ERG: variants seen among roughly 807,000 people sequenced by gnomAD.
ERG encodes the protein transcriptional regulator ERG.
In ERG, 9 loss-of-function variants were observed where a neutral mutation model predicts 55.3. That is an observed-to-expected ratio of 0.16 (90% CI 0.10 to 0.28). ERG has a LOEUF of 0.28. ERG is among the 10% of genes least tolerant of loss of function. The pLI is 1.00. For missense variants in ERG, 434 were observed against 631.6 expected (o/e 0.69, Z 3.35); for synonymous variants, 223 against 237.3 (o/e 0.94, Z 0.55).
chr21:38,367,766 C>A, the ERG span: 2 of 421,494 alleles, frequency 4.7e-6, no homozygotes, highest in Non-Finnish European at 9.4e-6. Context: ...AACTAACCAA[C>A]AGAGGGCATT....
chr21:38,593,897 A>T (rs532415820), intron 1 of ERG, among the ~76,000 whole-genome samples: 1 of 152,324 alleles, frequency 6.6e-6, no homozygotes, highest in East Asian at 1.9e-4. Flanking sequence ...TATAGTATAG[A>T]GAGGCAGATA....
chr21:38,457,024 T>TA (rs1195304910), intron 1 of ERG, among the ~76,000 whole-genome samples: 1 of 152,234 alleles, frequency 6.6e-6, no homozygotes, highest in Non-Finnish European at 1.5e-5. Flanking sequence ...CCTCAAAACC[T>TA]AATACATTTG....
the ERG span, among the ~76,000 whole-genome samples, chr21:38,370,673 A>G: frequency 2.0e-5 from 3 of 152,040 alleles, no homozygotes; most frequent in African/African-American, 7.2e-5. Context: ...TCATTTATTG[A>G]AAAATCCACT....
chr21:38,423,660 C>G lies in ERG; in HGVS notation c.237-99G>C, dbSNP rs757760852. ...CAGAGAGAACCAAAGAAGGGCAAGGCGGAAGAGACTGGGGGAGAAAGGACA... is the reference window on the plus strand; with the variant it reads ...CAGAGAGAACCAAAGAAGGGCAAGGGGGAAGAGACTGGGGGAGAAAGGACA... On this transcript the variant is annotated intron_variant, in intron 2 of 9. Transcript: ENST00000288319. The G allele has an allele frequency of 1.0e-5, 13 of 1,277,866 alleles. No individual in the cohort carries two copies. In the African/African-American group the frequency reaches 1.9e-4, roughly 19 times the overall value. 79.2% of individuals were successfully genotyped at this position (1,277,866 alleles called of 1,614,324 possible).
intron 1 of ERG, among the ~76,000 whole-genome samples, chr21:38,616,755 A>G (rs1445695224): frequency 6.6e-6 from 1 of 152,048 alleles, no homozygotes. Flanking sequence ...TATCCTAAGC[A>G]CTGCCTGGAG....
chr21:38,544,831 C>A (rs552602180), intron 2 of ERG, among the ~76,000 whole-genome samples: 14 of 152,230 alleles, frequency 9.2e-5, no homozygotes, highest in African/African-American at 2.6e-4. Flanking sequence ...TCATGAAGCT[C>A]TCTCCTTCTT....
chr21:38,407,611 G>A (rs2836377), intron 3 of ERG, among the ~76,000 whole-genome samples: 133,371 of 146,142 alleles, frequency 0.91, 60,972 homozygotes, highest in Non-Finnish European at 0.94. Flanking sequence ...ATTTTTCAAA[G>A]CCAAAACATG....
intron 1 of ERG, among the ~76,000 whole-genome samples, chr21:38,491,189 G>A (rs1211792913): frequency 2.7e-5 from 4 of 146,754 alleles, no homozygotes; most frequent in Admixed American, 2.1e-4. Flanking sequence ...TGAGCATCAT[G>A]TGCACACTGT....
intron 5 of ERG, 108 bp downstream of exon 5, chr21:38,402,449 C>G (rs1988538167): frequency 4.0e-6 from 3 of 755,454 alleles, no homozygotes; most frequent in South Asian, 1.6e-5. Context: ...AATCATCTAC[C>G]TGCGTTCTGT....
chr21:38,370,474 A>G, the ERG span, among the ~76,000 whole-genome samples: 1 of 151,950 alleles, frequency 6.6e-6, no homozygotes, highest in Non-Finnish European at 1.5e-5. Flanking sequence ...TGTAGTTTTT[A>G]TGTCTTGTTT....
chr21:38,382,123 T>G lies in ERG; in HGVS notation c.*1280A>C. ...TATTGTAAACATTAAGCATACAGAG[T>G]TAAAATTCAAGGCCACATTATATCG... On this transcript the variant is annotated 3_prime_UTR_variant, in exon 10 of 10. Coordinates refer to ENST00000288319, the MANE Select transcript of ERG (RefSeq NM_182918.4). 1 of 1,054,390 alleles carries G rather than the reference T, an allele frequency of 9.5e-7. No homozygotes were observed. Among genetic ancestry groups the G allele is most frequent in the Non-Finnish European group, 1.1e-6 (1 of 872,244 alleles). 65.3% of individuals were successfully genotyped at this position (1,054,390 alleles called of 1,614,324 possible). A position where few individuals can be genotyped will look rare whatever the true frequency, so the allele number is the denominator to read the frequency against.
intron 1 of ERG, among the ~76,000 whole-genome samples, chr21:38,600,334 C>T (rs970124134): frequency 6.6e-6 from 1 of 152,188 alleles, no homozygotes; most frequent in Non-Finnish European, 1.5e-5. Flanking sequence ...AAATGTCCAG[C>T]TCTACGTAGA....
At chr21:38,384,573 A>AT (rs149133938) in intron 9 of ERG, among the ~76,000 whole-genome samples, 48 of 151,662 alleles carry the variant, frequency 3.2e-4, no homozygotes, top group African/African-American at 9.9e-4. Flanking sequence ...AGAGCTATAT[A>AT]TTTTTTTTTC....
rs2059037038 is a variant in ERG, at chr21:38,460,997, T to A, written c.19-15376A>T. 6.6e-6 allele frequency among the ~76,000 whole-genome samples: 1 copy of A among 152,230 alleles called. No individual in the cohort carries two copies. The highest frequency in any genetic ancestry group is 1.5e-5 in the Non-Finnish European group (1 of 68,044). ...TAAGCAGTGAATCCTCTTTTGCGGC[T>A]GAATTTTCCTCAAGGAAGCAGCATG... On this transcript the variant is annotated intron_variant, in intron 1 of 9. Transcript: ENST00000288319. The surrounding 1 kb of genome is among the most constrained non-coding windows in gnomAD (Gnocchi z 5.0).
intron 1 of ERG, among the ~76,000 whole-genome samples, chr21:38,579,741 C>T (rs1409623282): frequency 6.6e-6 from 1 of 152,174 alleles, no homozygotes; most frequent in East Asian, 1.9e-4. Flanking sequence ...ACCAGCTCAG[C>T]GAAAACCCAA....
intron 8 of ERG, among the ~76,000 whole-genome samples, chr21:38,391,344 C>A (rs1194174229): frequency 6.6e-6 from 1 of 152,156 alleles, no homozygotes; most frequent in Non-Finnish European, 1.5e-5. Context: ...CAAGCCCCAT[C>A]AATCCAGGGC....
chr21:38,455,841 C>T (rs1319399345), intron 1 of ERG, among the ~76,000 whole-genome samples: 1 of 150,136 alleles, frequency 6.7e-6, no homozygotes, highest in Non-Finnish European at 1.5e-5. Flanking sequence ...GTCAAAACAG[C>T]CTTAATTTTT....
At chr21:38,430,248 A>AT (rs1990142858) in intron 2 of ERG, among the ~76,000 whole-genome samples, 1 of 151,886 alleles carries the variant, frequency 6.6e-6, no homozygotes, top group Non-Finnish European at 1.5e-5. Context: ...TCCTTAACCC[A>AT]TTTTTTGATG....
In ERG at chr21:38,381,204, G is replaced by A. The variant is rs1987419147; in HGVS notation, c.*2199C>T. The A allele has an allele frequency of 9.4e-7, 1 of 1,064,964 alleles. No individual in the cohort carries two copies. Among genetic ancestry groups the A allele is most frequent in the Non-Finnish European group, 1.1e-6 (1 of 879,158 alleles). The allele number at this position is 1,064,964 out of a possible 1,614,324, so 66.0% of individuals were successfully genotyped here. On this transcript the variant is annotated 3_prime_UTR_variant, in exon 10 of 10. Coordinates refer to ENST00000288319, the MANE Select transcript of ERG (RefSeq NM_182918.4). ...TTCACATAATCATAGCAAAAGGACT[G>A]CAACGTGAAAAAAACAGGCCCTGAA...
Sources: allele counts gnomAD v4.1 joint callset (sites outside exome capture counted in the v4.1 genomes callset), GRCh38; gene constraint gnomAD v4.1.1; non-coding constraint Gnocchi (gnomAD v3.1); transcripts MANE v1.5; gene names NCBI Gene and HGNC (gene_info 2026-07-23, HGNC 2026-07-21).